The following ACE variants were observed in gnomAD, a reference collection of about 807,000 sequenced individuals.
The protein encoded by ACE is angiotensin I converting enzyme, also known as angiotensin-converting enzyme.
In ACE, 122 loss-of-function variants were observed where a neutral mutation model predicts 162.3. The ratio of observed to expected loss-of-function variants is 0.75; its 90% CI spans 0.65 to 0.87. The LOEUF (loss-of-function observed/expected upper bound fraction) is 0.87. Among genes scored for constraint, ACE ranks in the 40% least tolerant of loss-of-function variants. ACE has a pLI of 0.00. For synonymous variants in ACE, 796 were observed against 720.6 expected (o/e 1.10, Z -1.68); for missense variants, 1,799 against 1,735.1 (o/e 1.04, Z -0.65).
intron 22 of ACE, among the ~76,000 whole-genome samples, chr17:63,495,121 A>T (rs2030648772): frequency 6.6e-6 from 1 of 152,178 alleles, no homozygotes; most frequent in Non-Finnish European, 1.5e-5. Context: ...CTCCTCAGGG[A>T]GGGGTGGCCA....
rs751034410 is a variant in ACE, at chr17:63,482,700, G to A, written c.1342+11G>A. The A allele has an allele frequency of 6.2e-7, 1 of 1,612,808 alleles. No individual in the cohort carries two copies. The highest frequency in any genetic ancestry group is 1.1e-5 in the South Asian group (1 of 91,052). On this transcript the variant is annotated intron_variant, in intron 8 of 24. Transcript: ENST00000290866. ...TCACCAATGACACGGGTATGGGAGGGCTGAGAGGCCCCCACCCAGCCTCAC... is the reference window on the plus strand; with the variant it reads ...TCACCAATGACACGGGTATGGGAGGACTGAGAGGCCCCCACCCAGCCTCAC...
rs1225625626 is a variant in ACE, at chr17:63,483,520, A to G, written c.1548A>G (p.Gly516=). The G allele has an allele frequency of 1.2e-6, 2 of 1,614,034 alleles. No individual in the cohort carries two copies. The highest frequency in any genetic ancestry group is 4.5e-5 in the East Asian group (2 of 44,876). ...VTRNETHFDA[G]AKFHVPNVTP... ...GAAACGAAACCCACTTTGATGCTGG[A>G]GCTAAGTTTCATGTTCCAAATGTGA... is the stretch of plus-strand genomic sequence containing the variant. The change falls in exon 10 of 25, where the codon GGA becomes GGG. Residue 516 remains glycine, a synonymous_variant. Coordinates refer to ENST00000290866, the MANE Select transcript of ACE (RefSeq NM_000789.4).
In ACE at chr17:63,493,918, G is replaced by C; in HGVS notation, c.3137-4G>C. The C allele has an allele frequency of 6.2e-7, 1 of 1,614,176 alleles. No homozygotes were observed. Among genetic ancestry groups the C allele is most frequent in the Non-Finnish European group, 8.5e-7 (1 of 1,180,038 alleles). ...TCTGACAGCTGGGCTCCCTTCCCTT[G>C]CAGAGCATGACATCAACTTTCTGAT... On this transcript the variant is annotated splice_polypyrimidine_tract_variant and splice_region_variant and intron_variant, in intron 20 of 24. Coordinates refer to ENST00000290866, the MANE Select transcript of ACE (RefSeq NM_000789.4).
rs1468721147 is a variant in ACE at position 63,491,441 on chromosome 17, A to G, written c.2912+60A>G. The G allele has an allele frequency of 3.1e-6, 5 of 1,605,296 alleles. No individual in the cohort carries two copies. The highest frequency in any genetic ancestry group is 4.3e-6 in the Non-Finnish European group (5 of 1,173,784). ...GCCCCACGGGCAAGGGAAATGAACC[A>G]AGCAAAGGGTCCACTACTGTCCCCC... On this transcript the variant is annotated intron_variant, in intron 19 of 24. Coordinates refer to ENST00000290866, the MANE Select transcript of ACE (RefSeq NM_000789.4). This position sits in a 1 kb window ranked among gnomAD's most constrained non-coding sequence, Gnocchi z 4.4.
rs1467781033 is a variant in ACE at position 63,498,160 on chromosome 17, C to T, written c.*794C>T. The T allele has an allele frequency of 6.5e-6, 1 of 152,880 alleles. No homozygotes were observed. Among genetic ancestry groups the T allele is most frequent in the East Asian group, 1.9e-4 (1 of 5,192 alleles). 9.5% of individuals were successfully genotyped at this position (152,880 alleles called of 1,614,324 possible). A position where few individuals can be genotyped will look rare whatever the true frequency, so the allele number is the denominator to read the frequency against. ...TAACACTGCCAGTGCAGAGGGGCCT[C>T]AGACGCTGGAGTGTAGCAGTGGCTG... On this transcript the variant is annotated 3_prime_UTR_variant, in exon 25 of 25. Transcript: ENST00000290866.
chr17:63,480,921 G>A (rs1174273009), intron 5 of ACE, among the ~76,000 whole-genome samples, 170 bp from the exon 6 acceptor site: 4 of 152,220 alleles, frequency 2.6e-5, no homozygotes, highest in Admixed American at 6.5e-5. Context: ...TGTGGCCCTC[G>A]GAGGAGTGTG....
chr17:63,491,089 A>T lies in ACE; in HGVS notation c.2739+38A>T. On this transcript the variant is annotated intron_variant, in intron 18 of 24. Transcript: ENST00000290866. The surrounding 1 kb of genome is among the most constrained non-coding windows in gnomAD (Gnocchi z 4.4). ...CCAGGGGCAGGGAGGCCCCGCCGGG[A>T]TGGGAGGGACCCTCTGATTCAGGAG... The T allele has an allele frequency of 1.9e-6, 3 of 1,612,412 alleles. No individual in the cohort carries two copies. The highest frequency in any genetic ancestry group is 2.5e-6 in the Non-Finnish European group (3 of 1,178,698).
rs1249291422 is a variant in ACE, at chr17:63,480,471, C to T, written c.790C>T (p.Arg264Cys). The part of the protein sequence containing the change: ...LHAFVRRALH[R>C]RYGDRYINLR... ...TGCCTTCGTCCGCCGCGCACTGCAT[C>T]GCCGATACGGAGACAGATACATCAA... Residue 264 changes from arginine to cysteine, a missense_variant, in exon 5 of 25, where the codon CGC becomes TGC. Coordinates refer to ENST00000290866, the MANE Select transcript of ACE (RefSeq NM_000789.4). 14 of 1,613,996 alleles carry T rather than the reference C, an allele frequency of 8.7e-6. No individual in the cohort carries two copies. The highest frequency in any genetic ancestry group is 1.1e-5 in the South Asian group (1 of 91,092).
At chr17:63,488,364 A>G (rs1973868) in intron 15 of ACE, among the ~76,000 whole-genome samples, 188 of 72,396 alleles carry the variant, frequency 2.6e-3, no homozygotes, top group Middle Eastern at 5.1e-3. Context: ...GTCTCAGAAA[A>G]AAAAAAAAAA....
chr17:63,480,326 C>T lies in ACE; in HGVS notation c.656-11C>T. ...TGGCCTGAGCTACATACCTCACCCC[C>T]ACGCCCCCAGGCTTCACAGACACGG... is the stretch of plus-strand genomic sequence containing the variant. On this transcript the variant is annotated splice_polypyrimidine_tract_variant and intron_variant, in intron 4 of 24. Transcript: ENST00000290866. 2 of 1,613,580 alleles carry T rather than the reference C, an allele frequency of 1.2e-6. No homozygotes were observed. The highest frequency in any genetic ancestry group is 8.5e-7 in the Non-Finnish European group (1 of 1,179,940).
chr17:63,485,024 A>G lies in ACE; in HGVS notation c.1922-212A>G, dbSNP rs1330442011. 5.7e-6 allele frequency: 9 copies of G among 1,574,152 alleles called. No homozygotes were observed. The Admixed American group carries it at 1.5e-4, about 27-fold the overall frequency. ...GGCAACAACCAGCAGCCAGACAACC[A>G]CCCACCAGGCGACGGCCCACCAGAC... On this transcript the variant is annotated intron_variant, in intron 12 of 24. Transcript: ENST00000290866.
At chr17:63,490,064 C>A (rs141780439) in intron 17 of ACE, 281 of 152,730 alleles carry the variant, frequency 1.8e-3, no homozygotes, top group Middle Eastern at 6.7e-3. Flanking sequence ...AACACTGATG[C>A]GCTCTCTGTC....
rs1331062614 is a variant in ACE, at chr17:63,481,647, T to TGGGA, written c.1028_1031dup (p.Ser346ArgfsTer47). On this transcript the variant is annotated frameshift_variant, in exon 7 of 25. Coordinates refer to ENST00000290866, the MANE Select transcript of ACE (RefSeq NM_000789.4). LOFTEE classifies it high-confidence loss of function. ...GCTCTCCCCCATGCCTCCCGAGTTCTGGGAAGGGTCGATGCTGGAGAAGCC... is the reference window on the plus strand; with the variant it reads ...GCTCTCCCCCATGCCTCCCGAGTTCTGGGAGGGAAGGGTCGATGCTGGAGAAGCC... The TGGGA allele has an allele frequency of 8.1e-6, 13 of 1,614,004 alleles. No homozygotes were observed. Among genetic ancestry groups the TGGGA allele is most frequent in the Non-Finnish European group, 1.0e-5 (12 of 1,179,998 alleles).
Position 63,493,803 on chromosome 17 carries a change from C to T in ACE, c.3137-119C>T, listed in dbSNP as rs893669550. 7.2e-6 allele frequency: 11 copies of T among 1,533,420 alleles called. No homozygotes were observed. The African/African-American group carries it at 1.5e-4, about 21-fold the overall frequency. 95.0% of individuals were successfully genotyped at this position (1,533,420 alleles called of 1,614,324 possible). On this transcript the variant is annotated intron_variant, in intron 20 of 24. Transcript: ENST00000290866. The stretch of plus-strand genomic sequence containing the variant: ...AGGAAGGGAGCCACCCAGACCATCC[C>T]AGGAGGCAGGTCACAGGGCCCAAAA...
rs1353694784 is a variant in ACE at position 63,496,919 on chromosome 17, C to G, written c.3625C>G (p.Arg1209Gly). Residue 1209 changes from arginine to glycine, a missense_variant, in exon 24 of 25, where the codon CGC becomes GGC. By Grantham distance (125) the Arg-to-Gly change is moderately radical (BLOSUM62 -2). Coordinates refer to ENST00000290866, the MANE Select transcript of ACE (RefSeq NM_000789.4). ...SYFKPLLDWL[R>G]TENELHGEKL... ...CTTCAAGCCGCTGCTGGACTGGCTC[C>G]GCACGGAGAACGAGCTGCATGGGGA... The G allele has an allele frequency of 1.2e-6, 2 of 1,613,532 alleles. No homozygotes were observed. The highest frequency in any genetic ancestry group is 1.7e-6 in the Non-Finnish European group (2 of 1,180,018).
intron 8 of ACE, 115 bp downstream of exon 8, chr17:63,482,804 G>C (rs982864625): frequency 8.1e-7 from 1 of 1,238,332 alleles, no homozygotes; most frequent in African/African-American, 1.5e-5. Context: ...CCGGCCCCAG[G>C]TCAGGCAGGG....
In ACE at chr17:63,479,059, G is replaced by C. The variant is rs2049664994; in HGVS notation, c.470G>C (p.Cys157Ser). The C allele has an allele frequency of 6.2e-7, 1 of 1,613,500 alleles. No individual in the cohort carries two copies. Among genetic ancestry groups the C allele is most frequent in the African/African-American group, 1.3e-5 (1 of 74,806 alleles). The change falls in exon 3 of 25, where the codon TGC becomes TCC. Residue 157 changes from cysteine to serine, a missense_variant. Cys to Ser is a moderately radical substitution (Grantham distance 112). Transcript: ENST00000290866. ...MSRIYSTAKV[C>S]LPNKTATCWS... Reference sequence around the variant, plus strand: ...AGGATCTACTCCACCGCCAAGGTCTGCCTCCCCAACAAGACTGCCACCTGC... The same window carrying C: ...AGGATCTACTCCACCGCCAAGGTCTCCCTCCCCAACAAGACTGCCACCTGC...
Position 63,483,156 on chromosome 17 carries a change from C to G in ACE, c.1470C>G (p.Phe490Leu), listed in dbSNP as rs775141617. 13 of 1,613,858 alleles carry G rather than the reference C, an allele frequency of 8.1e-6. No homozygotes were observed. Among genetic ancestry groups the G allele is most frequent in the Non-Finnish European group, 1.0e-5 (12 of 1,180,018 alleles). The change falls in exon 9 of 25, where the codon TTC (phenylalanine) becomes TTG (leucine). Residue 490 changes from phenylalanine (F) to leucine (L), a missense_variant. Transcript: ENST00000290866. ...SGRTPPSRYN[F>L]DWWYLRTKYQ... The stretch of plus-strand genomic sequence containing the variant: ...GTACCCCCCCTTCCCGCTACAACTT[C>G]GACTGGTGGTATCTTCGGTGAGAGG...
intron 22 of ACE, 36 bp downstream of exon 22, chr17:63,494,506 C>A: frequency 6.5e-7 from 1 of 1,542,016 alleles, no homozygotes; most frequent in African/African-American, 1.4e-5. Context: ...TTGTGAGGGG[C>A]AGTACCCACA....
Sources: allele counts gnomAD v4.1 joint callset (sites outside exome capture counted in the v4.1 genomes callset), GRCh38; gene constraint gnomAD v4.1.1; non-coding constraint Gnocchi (gnomAD v3.1); transcripts MANE v1.5; gene names NCBI Gene and HGNC (gene_info 2026-07-23, HGNC 2026-07-21).